The following ANKRD6 variants were observed in gnomAD, a reference collection of about 807,000 sequenced individuals.
ANKRD6 encodes ankyrin repeat domain-containing protein 6.
A neutral mutation model predicts 82.3 loss-of-function variants in ANKRD6; 56 were observed. The observed-to-expected ratio is 0.68, with a 90% CI of 0.55 to 0.85. The LOEUF (loss-of-function observed/expected upper bound fraction) is 0.85, where lower values mean the gene tolerates loss of function less well. ANKRD6 is among the 40% of genes least tolerant of loss of function. The probability of loss-of-function intolerance (pLI) is 0.00; values close to 1 mark genes in which losing one functional copy is unlikely to be tolerated. For synonymous variants in ANKRD6, 347 were observed against 352.1 expected, an observed-to-expected ratio of 0.99 and a Z score of 0.16; for missense variants, 852 against 907.6, an observed-to-expected ratio of 0.94 and a Z score of 0.79.
intron 1 of ANKRD6, among the ~76,000 whole-genome samples, chr6:89,485,668 A>G (rs1194179900): frequency 6.6e-6 from 1 of 152,200 alleles, no homozygotes; most frequent in Non-Finnish European, 1.5e-5. Flanking sequence ...TGTTGTCAGG[A>G]ACCATCTAGA....
chr6:89,500,894 A>G (rs943592745), intron 1 of ANKRD6, among the ~76,000 whole-genome samples: 10 of 151,922 alleles, frequency 6.6e-5, no homozygotes, highest in South Asian at 4.2e-4. Context: ...GGCCAAGGCA[A>G]TGGGTTGTGA....
chr6:89,539,011 T>C (rs892274265), intron 1 of ANKRD6, among the ~76,000 whole-genome samples: 14 of 152,172 alleles, frequency 9.2e-5, no homozygotes, highest in Admixed American at 1.3e-4. Flanking sequence ...TACAACCTTT[T>C]GAATTTTATC....
At chr6:89,487,023 C>G (rs1777458030) in intron 1 of ANKRD6, among the ~76,000 whole-genome samples, 2 of 152,142 alleles carry the variant, frequency 1.3e-5, no homozygotes, top group Admixed American at 1.3e-4. Context: ...ACTGGTAATT[C>G]ACTGAAAGGA....
At chr6:89,547,204 G>C (rs1263039700) in intron 1 of ANKRD6, among the ~76,000 whole-genome samples, 2 of 152,014 alleles carry the variant, frequency 1.3e-5, no homozygotes, top group Non-Finnish European at 2.9e-5. Flanking sequence ...ATTTGGGGGG[G>C]GGGTTACATA....
At chr6:89,610,048 C>T (rs577068288) in intron 5 of ANKRD6, among the ~76,000 whole-genome samples, 41 of 152,256 alleles carry the variant, frequency 2.7e-4, no homozygotes, top group Non-Finnish European at 5.6e-4. Context: ...CAGCTCCTGT[C>T]TGGGAAATCA....
rs1280914730 is a variant in ANKRD6 at position 89,575,515 on chromosome 6, C to T, written c.120+8419C>T. On this transcript the variant is annotated intron_variant, in intron 2 of 15. Transcript: ENST00000339746. Reference sequence around the variant, plus strand: ...TTCTATGGGCTGCTGCTTGTTAGAGCATATTCCTTGGCACCTGACACATTG... The same window carrying T: ...TTCTATGGGCTGCTGCTTGTTAGAGTATATTCCTTGGCACCTGACACATTG... Among the ~76,000 whole-genome samples the T allele has an allele frequency of 3.3e-5, 5 of 152,122 alleles. No individual in the cohort carries two copies. In the East Asian group the frequency reaches 9.6e-4, roughly 29 times the overall value.
intron 4 of ANKRD6, among the ~76,000 whole-genome samples, chr6:89,604,694 C>T (rs1259812752): frequency 6.6e-6 from 1 of 152,184 alleles, no homozygotes; most frequent in African/African-American, 2.4e-5. Flanking sequence ...CTTGCATCCC[C>T]GCTTTCCTTT....
intron 1 of ANKRD6, among the ~76,000 whole-genome samples, chr6:89,514,069 C>A (rs1247453293): frequency 6.6e-6 from 1 of 152,146 alleles, no homozygotes; most frequent in Non-Finnish European, 1.5e-5. Flanking sequence ...AACACAAAGT[C>A]GTAAGCTTTC....
intron 1 of ANKRD6, among the ~76,000 whole-genome samples, chr6:89,527,559 C>T (rs747334050): frequency 1.0e-4 from 15 of 144,882 alleles, no homozygotes; most frequent in Non-Finnish European, 1.9e-4. Flanking sequence ...GCTCCACTGT[C>T]CTCCAGCCTA....
chr6:89,482,310 G>A (rs1776900915), intron 1 of ANKRD6, among the ~76,000 whole-genome samples: 1 of 152,144 alleles, frequency 6.6e-6, no homozygotes, highest in African/African-American at 2.4e-5. Context: ...CAAAATAAAT[G>A]GCCGTAGATC....
chr6:89,632,154 CTT>C lies in ANKRD6; in HGVS notation c.*1151_*1152del, dbSNP rs1259453237. ...TCAATATCCCATGTATGCACAGAAA[CTT>C]CAGTTCTATTTCTATAGACACAGGA... On this transcript the variant is annotated 3_prime_UTR_variant, in exon 16 of 16. Coordinates refer to ENST00000339746, the MANE Select transcript of ANKRD6 (RefSeq NM_001242809.2). The C allele has an allele frequency of 1.3e-5, 2 of 152,228 alleles. No individual in the cohort carries two copies. Among genetic ancestry groups the C allele is most frequent in the African/African-American group, 4.8e-5 (2 of 41,554 alleles). 9.4% of individuals were successfully genotyped at this position (152,228 alleles called of 1,614,324 possible). A position where few individuals can be genotyped will look rare whatever the true frequency, so the allele number is the denominator to read the frequency against.
intron 1 of ANKRD6, among the ~76,000 whole-genome samples, chr6:89,551,132 C>T (rs531375328): frequency 1.3e-5 from 2 of 152,230 alleles, no homozygotes; most frequent in South Asian, 2.1e-4. Context: ...ATCTGAAGAG[C>T]AGAGCCTGGG....
chr6:89,464,899 G>A (rs1774648681), intron 1 of ANKRD6, among the ~76,000 whole-genome samples: 3 of 152,132 alleles, frequency 2.0e-5, no homozygotes, highest in African/African-American at 7.2e-5. Context: ...TTGTGTCTGT[G>A]TTGAAGGGAG....
intron 1 of ANKRD6, among the ~76,000 whole-genome samples, chr6:89,435,755 G>A (rs764365110): frequency 3.9e-5 from 6 of 152,200 alleles, no homozygotes; most frequent in African/African-American, 1.2e-4. Flanking sequence ...ATTTGGGTGC[G>A]TGCGTTTTAG....
chr6:89,522,493 G>T (rs1329568053), intron 1 of ANKRD6, among the ~76,000 whole-genome samples: 1 of 152,144 alleles, frequency 6.6e-6, no homozygotes, highest in East Asian at 1.9e-4. Flanking sequence ...TTGATTGGGG[G>T]TGTCATCTTG....
rs1785513561 is a variant in ANKRD6, at chr6:89,549,379, C to T, written c.-143-17455C>T. Among the ~76,000 whole-genome samples the T allele has an allele frequency of 1.3e-5, 2 of 150,334 alleles. 1 individual carries two copies. Among genetic ancestry groups the T allele is most frequent in the African/African-American group, 4.9e-5 (2 of 40,830 alleles). ...TAAAAGAGCAAGTTTGCCTCCCCAC[C>T]CCCAATCCCCCACCACCCCACACCC... On this transcript the variant is annotated intron_variant, in intron 1 of 15. Coordinates refer to ENST00000339746, the MANE Select transcript of ANKRD6 (RefSeq NM_001242809.2).
chr6:89,491,277 AGG>A, intron 1 of ANKRD6, among the ~76,000 whole-genome samples: 1 of 152,326 alleles, frequency 6.6e-6, no homozygotes, highest in Admixed American at 6.5e-5. Context: ...AAATTACAGA[AGG>A]GATGGTGTTG....
In ANKRD6 at chr6:89,624,003, C is replaced by G. The variant is rs373381400; in HGVS notation, c.1164C>G (p.Phe388Leu). 1.3e-6 allele frequency: 2 copies of G among 1,566,806 alleles called. No homozygotes were observed. Among genetic ancestry groups the G allele is most frequent in the African/African-American group, 2.7e-5 (2 of 72,776 alleles). The change falls in exon 12 of 16, where the codon TTC becomes TTG. Residue 388 changes from phenylalanine (F) to leucine (L), a missense_variant. Coordinates refer to ENST00000339746, the MANE Select transcript of ANKRD6 (RefSeq NM_001242809.2). ...CATCCCCACCCCCACCCCATGAGTT[C>G]AGGGCGTATCAGCTCTACACATTGT... ...RCSSPPPPHE[F>L]RAYQLYTLYR...
chr6:89,536,815 T>C (rs184517134), intron 1 of ANKRD6, among the ~76,000 whole-genome samples: 1 of 152,358 alleles, frequency 6.6e-6, no homozygotes, highest in Admixed American at 6.5e-5. Context: ...TGCCTTCTTT[T>C]ACCTTCATGT....
Sources: allele counts gnomAD v4.1 joint callset (sites outside exome capture counted in the v4.1 genomes callset), GRCh38; gene constraint gnomAD v4.1.1; transcripts MANE v1.5; gene names NCBI Gene and HGNC (gene_info 2026-07-23, HGNC 2026-07-21).